The following ABCA10 variants were observed in gnomAD, a reference collection of about 807,000 sequenced individuals.
The protein encoded by ABCA10 is ATP-binding cassette sub-family A member 10.
Under a neutral mutation model 187.5 loss-of-function variants are expected in ABCA10, and 169 were observed. That is an observed-to-expected ratio of 0.90 (90% CI 0.80 to 1.02). ABCA10 has a LOEUF of 1.02. Ranked by LOEUF, ABCA10 falls within the 50% of genes least tolerant of loss-of-function variation. The probability of loss-of-function intolerance (pLI) is 0.00; values close to 1 mark genes in which losing one functional copy is unlikely to be tolerated. For missense variants in ABCA10, 1,727 were observed against 1,812.4 expected (o/e 0.95, Z 0.86); for synonymous variants, 574 against 601.8 (o/e 0.95, Z 0.68).
intron 9 of ABCA10, among the ~76,000 whole-genome samples, chr17:69,211,334 T>TCATATATATACATCATATATATG (rs1448044990): frequency 6.8e-5 from 9 of 132,726 alleles, no homozygotes; most frequent in Non-Finnish European, 9.4e-5. Flanking sequence ...TATATATATA[T>TCATATATATACATCATATATATG]ATATATATAT....
At chr17:69,167,382 A>G (rs905678361) in intron 25 of ABCA10, among the ~76,000 whole-genome samples, 1 of 152,234 alleles carries the variant, frequency 6.6e-6, no homozygotes, top group Non-Finnish European at 1.5e-5. Flanking sequence ...ACCATTGGAG[A>G]TGCCATTGTT....
At chr17:69,156,988 T>C in intron 27 of ABCA10, 65 bp from the exon 28 acceptor site, 1 of 978,894 alleles carries the variant, frequency 1.0e-6, no homozygotes, top group South Asian at 2.0e-5. Context: ...TGGTGAATAT[T>C]TGTCCATTTT....
rs11347438 is a variant in ABCA10, at chr17:69,214,514, C to CAAA, written c.1006+187_1006+189dup. On this transcript the variant is annotated intron_variant, in intron 9 of 38. Transcript: ENST00000690296. ...TGGGCGACAGAGCGAGACTCCGTCT[C>CAAA]AAAAAAAAAAAAAATGATTCAGTTC... Among the ~76,000 whole-genome samples the CAAA allele has an allele frequency of 3.7e-3, 500 of 136,606 alleles. 4 individuals carry two copies. The highest frequency in any genetic ancestry group is 0.013 in the African/African-American group (481 of 37,318). 89.6% of individuals were successfully genotyped at this position (136,606 alleles called of 152,430 possible). A position where few individuals can be genotyped will look rare whatever the true frequency, so the allele number is the denominator to read the frequency against.
At chr17:69,239,774 C>G (rs1332552995) in intron 1 of ABCA10, among the ~76,000 whole-genome samples, 4 of 152,176 alleles carry the variant, frequency 2.6e-5, no homozygotes, top group African/African-American at 4.8e-5. Flanking sequence ...CACTTACCAT[C>G]AGCTCACAGG....
intron 19 of ABCA10, among the ~76,000 whole-genome samples, chr17:69,186,552 C>G (rs1006813434): frequency 6.6e-6 from 1 of 152,180 alleles, no homozygotes; most frequent in African/African-American, 2.4e-5. Flanking sequence ...TACTCCGCTC[C>G]ACAGTCAAGC....
chr17:69,148,856 A>G lies in ABCA10; in HGVS notation c.4603T>C (p.Trp1535Arg), dbSNP rs375323266. Reference protein sequence around the residue: ...VDDKIDTTVEWKLLPQEDP With the variant: ...VDDKIDTTVERKLLPQEDP ...GGGTCTTCCTGTGGGAGAAGTTTCCATTCAACTGTTGTATCAATTTTATCA... is the reference window on the plus strand; with the variant it reads ...GGGTCTTCCTGTGGGAGAAGTTTCCGTTCAACTGTTGTATCAATTTTATCA... Residue 1535 changes from tryptophan to arginine, a missense_variant, in exon 39 of 39, where the codon TGG becomes CGG. Trp to Arg is a moderately radical substitution (Grantham distance 101, BLOSUM62 -3). Transcript: ENST00000690296. The G allele has an allele frequency of 8.1e-6, 13 of 1,613,162 alleles. No individual in the cohort carries two copies. The highest frequency in any genetic ancestry group is 1.1e-5 in the Non-Finnish European group (13 of 1,179,836).
intron 10 of ABCA10, among the ~76,000 whole-genome samples, chr17:69,199,099 T>G (rs2074525600): frequency 6.6e-6 from 1 of 152,174 alleles, no homozygotes; most frequent in Non-Finnish European, 1.5e-5. Context: ...CCATATCCCC[T>G]GTGTGGAAGG....
At chr17:69,160,767 T>A (rs924546355) in intron 27 of ABCA10, among the ~76,000 whole-genome samples, 1 of 152,134 alleles carries the variant, frequency 6.6e-6, no homozygotes, top group Non-Finnish European at 1.5e-5. Flanking sequence ...AAATAAGTGT[T>A]GGTAAGGATG....
chr17:69,219,289 C>T (rs959088039), intron 6 of ABCA10, among the ~76,000 whole-genome samples: 5 of 152,022 alleles, frequency 3.3e-5, no homozygotes, highest in Admixed American at 2.6e-4. Context: ...TGCTTGAGGT[C>T]GTGGGGTTTG....
chr17:69,210,831 CCA>C (rs1568069797), intron 9 of ABCA10, among the ~76,000 whole-genome samples: 32 of 56,966 alleles, frequency 5.6e-4, no homozygotes, highest in African/African-American at 3.6e-3. Flanking sequence ...TATATATATG[CCA>C]CATATTTATG....
intron 28 of ABCA10, 138 bp from the exon 29 acceptor site, chr17:69,156,063 C>T (rs2074172149): frequency 9.4e-7 from 1 of 1,066,826 alleles, no homozygotes; most frequent in African/African-American, 1.6e-5. Context: ...CAAGATTCTT[C>T]TTGGCAGTAA....
intron 1 of ABCA10, among the ~76,000 whole-genome samples, chr17:69,243,260 C>T (rs994431241): frequency 2.0e-5 from 3 of 152,196 alleles, no homozygotes; most frequent in African/African-American, 4.8e-5. Flanking sequence ...ACACACATCA[C>T]GTAACAACAG....
chr17:69,221,924 A>G (rs372069216), intron 4 of ABCA10, 29 bp from the exon 5 acceptor site: 39 of 1,515,614 alleles, frequency 2.6e-5, no homozygotes, highest in Admixed American at 4.0e-5. Flanking sequence ...ACATGTCCAT[A>G]GTTATATAAT....
chr17:69,198,712 C>T (rs1337116129), intron 10 of ABCA10, among the ~76,000 whole-genome samples: 1 of 152,160 alleles, frequency 6.6e-6, no homozygotes, highest in East Asian at 1.9e-4. Flanking sequence ...TCCCTAATCC[C>T]TGTATTAAAC....
At chr17:69,197,175 C>T in intron 10 of ABCA10, 53 bp from the exon 11 acceptor site, 1 of 1,369,734 alleles carries the variant, frequency 7.3e-7, no homozygotes, top group Non-Finnish European at 1.0e-6. Flanking sequence ...GTATTAATAA[C>T]ACAGATTACA....
Position 69,175,461 on chromosome 17 carries a change from A to G in ABCA10, c.2822T>C (p.Leu941Ser), listed in dbSNP as rs1400209072. ...GFIDGSIFLL[L>S]ITNCVSPFIG... ...AAAAGGAGAAACGCAGTTTGTGATC[A>G]ACAACAAAAATATGGACCCATCTAT... Residue 941 changes from leucine (L) to serine (S), a missense_variant, in exon 23 of 39, where the codon TTG becomes TCG. By Grantham distance (145) the Leu-to-Ser change is moderately radical (BLOSUM62 -2). Coordinates refer to ENST00000690296, the MANE Select transcript of ABCA10 (RefSeq NM_001377321.1). The G allele has an allele frequency of 6.2e-7, 1 of 1,612,364 alleles. No individual in the cohort carries two copies. Among genetic ancestry groups the G allele is most frequent in the Non-Finnish European group, 8.5e-7 (1 of 1,178,806 alleles).
chr17:69,155,719 T>A, intron 29 of ABCA10, 86 bp downstream of exon 29: 2 of 1,476,604 alleles, frequency 1.4e-6, no homozygotes, highest in Non-Finnish European at 1.8e-6. Context: ...CTAAAGCAGC[T>A]TTTCAAAATA....
intron 15 of ABCA10, 86 bp from the exon 16 acceptor site, chr17:69,192,739 A>G: frequency 4.3e-6 from 5 of 1,159,194 alleles, no homozygotes; most frequent in Non-Finnish European, 6.3e-6. Flanking sequence ...AAAACACTGA[A>G]TGAAATTTGT....
chr17:69,190,466 C>A lies in ABCA10; in HGVS notation c.2023G>T (p.Asp675Tyr). The stretch of plus-strand genomic sequence containing the variant: ...CCCTGGTCAGAACACTTATCAAGGT[C>A]ACTGTAAAGATCTAAAAAGCCAATA... The part of the protein sequence containing the change: ...KTNKFPDLYS[D>Y]LDKCSDQGIR... Residue 675 changes from aspartate to tyrosine, a missense_variant, in exon 18 of 39, where the codon GAC becomes TAC. Physicochemically the swap from Asp to Tyr is radical, Grantham distance 160. Transcript: ENST00000690296. 1 of 1,572,940 alleles carries A rather than the reference C, an allele frequency of 6.4e-7. No homozygotes were observed. The highest frequency in any genetic ancestry group is 1.2e-5 in the South Asian group (1 of 82,020).
Sources: gnomAD v4.1 joint callset for allele counts (sites outside exome capture counted in the v4.1 genomes callset) on GRCh38, gnomAD v4.1.1 for gene constraint, MANE v1.5 for transcripts, NCBI Gene and HGNC (gene_info 2026-07-23, HGNC 2026-07-21) for gene names.